Variants in TRPC3 observed in about 807,000 individuals in gnomAD.
TRPC3 encodes the protein transient receptor potential cation channel subfamily C member 3.
A neutral mutation model predicts 90.9 loss-of-function variants in TRPC3; 54 were observed. That is an observed-to-expected ratio of 0.59 (90% CI 0.48 to 0.75). The LOEUF is 0.75. Among genes scored for constraint, TRPC3 ranks in the 30% least tolerant of loss-of-function variants. The pLI, the probability that TRPC3 is intolerant of heterozygous loss-of-function variation, is 0.00. For synonymous variants in TRPC3, 424 were observed against 450.9 expected (o/e 0.94, Z 0.75); for missense variants, 918 against 1,194.5 (o/e 0.77, Z 3.41).
At chr4:121,902,163 A>G (rs1560694074) in intron 9 of TRPC3, among the ~76,000 whole-genome samples, 1 of 152,166 alleles carries the variant, frequency 6.6e-6, no homozygotes. Flanking sequence ...AAAAAGTTAT[A>G]TTTTAACTCT....
At chr4:121,930,171 G>T (rs996518424) in intron 2 of TRPC3, among the ~76,000 whole-genome samples, 1 of 152,160 alleles carries the variant, frequency 6.6e-6, no homozygotes, top group African/African-American at 2.4e-5. Context: ...GGCACATTGA[G>T]TTAGGGGAGA....
At chr4:121,884,144 G>T (rs2149105022) in intron 10 of TRPC3, among the ~76,000 whole-genome samples, 1 of 152,270 alleles carries the variant, frequency 6.6e-6, no homozygotes, top group Non-Finnish European at 1.5e-5. Context: ...AATCTTAGAA[G>T]CATAATGTTG....
chr4:121,889,601 G>C (rs904387285), intron 10 of TRPC3, among the ~76,000 whole-genome samples: 1 of 152,066 alleles, frequency 6.6e-6, no homozygotes, highest in Non-Finnish European at 1.5e-5. Flanking sequence ...TGTGGAGAAA[G>C]AGAACTCATA....
intron 1 of TRPC3, among the ~76,000 whole-genome samples, chr4:121,945,586 T>A (rs187829278): frequency 6.6e-6 from 1 of 152,120 alleles, no homozygotes. Context: ...CAAAAAAAAT[T>A]CCAGAAAGTA....
chr4:121,944,180 G>A (rs897649764), intron 1 of TRPC3, among the ~76,000 whole-genome samples: 1 of 152,124 alleles, frequency 6.6e-6, no homozygotes, highest in Non-Finnish European at 1.5e-5. Context: ...GAGGGCAGTA[G>A]AGGGGAGAGG....
intron 3 of TRPC3, among the ~76,000 whole-genome samples, chr4:121,917,102 G>T (rs978207089): frequency 6.6e-6 from 1 of 152,120 alleles, no homozygotes; most frequent in Admixed American, 6.5e-5. Flanking sequence ...TTTATCATGC[G>T]AGTTCCTTTC....
At chr4:121,901,220 C>T (rs1050542390) in intron 9 of TRPC3, among the ~76,000 whole-genome samples, 7 of 152,100 alleles carry the variant, frequency 4.6e-5, no homozygotes, top group Non-Finnish European at 1.0e-4. Flanking sequence ...GTTAATAAAT[C>T]CCCAGAAAAA....
chr4:121,895,155 C>T (rs1728475677), intron 10 of TRPC3, among the ~76,000 whole-genome samples: 1 of 151,886 alleles, frequency 6.6e-6, no homozygotes, highest in Non-Finnish European at 1.5e-5. Context: ...CCATGCAACA[C>T]AGCAAAAGCA....
chr4:121,925,254 T>C, intron 2 of TRPC3, 48 bp from the exon 3 acceptor site: 1 of 1,559,086 alleles, frequency 6.4e-7, no homozygotes, highest in Non-Finnish European at 8.7e-7. Context: ...TTGCTTTTAT[T>C]CAGTGGAAAG....
Position 121,904,537 on chromosome 4 carries a change from C to T in TRPC3, c.2058-20G>A, listed in dbSNP as rs200042035. 2 of 1,508,300 alleles carry T rather than the reference C, an allele frequency of 1.3e-6. No homozygotes were observed. Among genetic ancestry groups the T allele is most frequent in the Non-Finnish European group, 1.8e-6 (2 of 1,130,248 alleles). The allele number at this position is 1,508,300 out of a possible 1,614,324, so 93.4% of individuals were successfully genotyped here. A position where few individuals can be genotyped will look rare whatever the true frequency, so the allele number is the denominator to read the frequency against. On this transcript the variant is annotated intron_variant, in intron 7 of 11. Transcript: ENST00000379645. Reference sequence around the variant, plus strand: ...TCTACACTGTTGAAAAAATAAGATACAAAGTAAGTAAGTTAACAGTTTTCA... The same window carrying T: ...TCTACACTGTTGAAAAAATAAGATATAAAGTAAGTAAGTTAACAGTTTTCA...
chr4:121,921,472 A>G lies in TRPC3; in HGVS notation c.1176+3546T>C, dbSNP rs78333874. ...GGGAGGCGGAGCTTGCAGTGAGCCG[A>G]GATCGCGCCACTGCACTCCAGCCTG... On this transcript the variant is annotated intron_variant, in intron 3 of 11. Coordinates refer to ENST00000379645, the MANE Select transcript of TRPC3 (RefSeq NM_001130698.2). 0.023 allele frequency among the ~76,000 whole-genome samples: 3,153 copies of G among 139,672 alleles called. 149 individuals are homozygous for G. In the East Asian group the frequency reaches 0.23, roughly 10 times the overall value. 91.6% of individuals were successfully genotyped at this position (139,672 alleles called of 152,430 possible).
Position 121,882,266 on chromosome 4 carries a change from T to A in TRPC3, c.2623+88A>T, listed in dbSNP as rs1727969612. 2.5e-6 allele frequency: 3 copies of A among 1,205,672 alleles called. No homozygotes were observed. In the East Asian group the frequency reaches 7.5e-5, roughly 30 times the overall value. 74.7% of individuals were successfully genotyped at this position (1,205,672 alleles called of 1,614,324 possible). ...AGGCATCCAAACTATAACCTGGGAT[T>A]GGATTTTTAAAATATGCCTCAACAT... is the stretch of plus-strand genomic sequence containing the variant. On this transcript the variant is annotated intron_variant, in intron 11 of 11. Transcript: ENST00000379645.
At chr4:121,933,109 G>T in intron 1 of TRPC3, 67 bp from the exon 2 acceptor site, 1 of 1,492,628 alleles carries the variant, frequency 6.7e-7, no homozygotes, top group East Asian at 2.3e-5. Flanking sequence ...CACATGTCAG[G>T]GCCCTTTCTG....
intron 10 of TRPC3, among the ~76,000 whole-genome samples, chr4:121,889,336 G>T (rs1396097385): frequency 6.6e-6 from 1 of 152,052 alleles, no homozygotes; most frequent in Non-Finnish European, 1.5e-5. Flanking sequence ...CTGACAAGGG[G>T]TTAATATCCA....
intron 1 of TRPC3, among the ~76,000 whole-genome samples, chr4:121,937,423 T>C (rs111405521): frequency 6.6e-5 from 10 of 152,258 alleles, no homozygotes; most frequent in African/African-American, 2.4e-4. Context: ...AGCCTCACAT[T>C]CATTTAGTTT....
At chr4:121,888,535 A>G (rs1728209955) in intron 10 of TRPC3, among the ~76,000 whole-genome samples, 1 of 151,926 alleles carries the variant, frequency 6.6e-6, no homozygotes, top group Non-Finnish European at 1.5e-5. Flanking sequence ...TTTGAAAGAA[A>G]AATCCCTATT....
intron 10 of TRPC3, among the ~76,000 whole-genome samples, chr4:121,885,982 G>C (rs942171850): frequency 1.3e-5 from 2 of 152,158 alleles, no homozygotes; most frequent in Non-Finnish European, 1.5e-5. Flanking sequence ...ATCCTAGAGA[G>C]AGGTTCCAAA....
chr4:121,890,537 G>C (rs1728288462), intron 10 of TRPC3, among the ~76,000 whole-genome samples: 1 of 152,096 alleles, frequency 6.6e-6, no homozygotes, highest in African/African-American at 2.4e-5. Flanking sequence ...AAAATGAATA[G>C]GGAAAAAATG....
chr4:121,897,652 A>AC (rs1728566057), intron 10 of TRPC3, among the ~76,000 whole-genome samples: 1 of 151,756 alleles, frequency 6.6e-6, no homozygotes, highest in South Asian at 2.1e-4. Context: ...AAAGACAAAA[A>AC]AAAAATGCTG....
Sources: allele counts gnomAD v4.1 joint callset (sites outside exome capture counted in the v4.1 genomes callset), GRCh38; gene constraint gnomAD v4.1.1; transcripts MANE v1.5; gene names NCBI Gene and HGNC (gene_info 2026-07-23, HGNC 2026-07-21).